Variants in MAML1 observed in about 807,000 individuals in gnomAD.
The protein encoded by MAML1 is mastermind like transcriptional coactivator 1.
A neutral mutation model predicts 77.1 loss-of-function variants in MAML1; 14 were observed. The ratio of observed to expected loss-of-function variants is 0.18; its 90% CI spans 0.12 to 0.28. The LOEUF (loss-of-function observed/expected upper bound fraction) is 0.28, where lower values mean the gene tolerates loss of function less well. Among genes scored for constraint, MAML1 ranks in the 10% least tolerant of loss-of-function variants. The pLI is 1.00. For synonymous variants in MAML1, 516 were observed against 551.9 expected, an observed-to-expected ratio of 0.93 and a Z score of 0.91; for missense variants, 1,217 against 1,327.8, an observed-to-expected ratio of 0.92 and a Z score of 1.30.
chr5:179,744,726 G>A (rs990854948), intron 1 of MAML1, among the ~76,000 whole-genome samples: 2 of 151,936 alleles, frequency 1.3e-5, no homozygotes, highest in African/African-American at 4.8e-5. Flanking sequence ...TATTGGCTAA[G>A]CTGGTCTTGA....
intron 1 of MAML1, 137 bp downstream of exon 1, chr5:179,733,564 A>G (rs1455002973): frequency 5.7e-6 from 4 of 703,012 alleles, no homozygotes; most frequent in African/African-American, 1.9e-5. Context: ...AGAGGGTAAC[A>G]TGGCAGGGAG....
At chr5:179,746,436 G>A (rs1353140603) in intron 1 of MAML1, among the ~76,000 whole-genome samples, 1 of 151,878 alleles carries the variant, frequency 6.6e-6, no homozygotes, top group Non-Finnish European at 1.5e-5. Context: ...GCAGTGGCGT[G>A]ATCTTGGCTC....
chr5:179,755,208 A>G (rs546255993), intron 1 of MAML1, among the ~76,000 whole-genome samples: 1 of 152,288 alleles, frequency 6.6e-6, no homozygotes, highest in Admixed American at 6.5e-5. Flanking sequence ...CTTAGCCTGT[A>G]GGTTGTTGTG....
At chr5:179,735,887 C>T (rs140852068) in intron 1 of MAML1, among the ~76,000 whole-genome samples, 2,983 of 151,480 alleles carry the variant, frequency 0.02, 41 homozygotes, top group Middle Eastern at 0.031. Flanking sequence ...AGGGTTTCTC[C>T]TTGTTGGGCA....
At chr5:179,756,652 T>C (rs1165950167) in intron 1 of MAML1, among the ~76,000 whole-genome samples, 1 of 152,106 alleles carries the variant, frequency 6.6e-6, no homozygotes. Context: ...GGTGCAGATA[T>C]GTGTTTTATA....
chr5:179,774,371 G>A lies in MAML1; in HGVS notation c.2545G>A (p.Gly849Ser). The change falls in exon 5 of 5, where the codon GGC becomes AGC. Residue 849 changes from glycine (G) to serine (S), a missense_variant. By Grantham distance (56) the Gly-to-Ser change is moderately conservative. Transcript: ENST00000292599. ...GCATCAGGGAATGCCGAACCTCAGT[G>A]GCCAGACCCCAGGGAACAGCAACGT... is the stretch of plus-strand genomic sequence containing the variant. ...WQHQGMPNLS[G>S]QTPGNSNVSP... 1 of 1,613,244 alleles carries A rather than the reference G, an allele frequency of 6.2e-7. No homozygotes were observed. The highest frequency in any genetic ancestry group is 1.3e-5 in the African/African-American group (1 of 75,056).
chr5:179,733,104 C>G lies in MAML1; in HGVS notation c.-9C>G, dbSNP rs1181855764. 2.2e-6 allele frequency: 3 copies of G among 1,385,188 alleles called. No homozygotes were observed. In the South Asian group the frequency reaches 4.4e-5, roughly 20 times the overall value. The allele number at this position is 1,385,188 out of a possible 1,614,324, so 85.8% of individuals were successfully genotyped here. On this transcript the variant is annotated 5_prime_UTR_variant, in exon 1 of 5. Transcript: ENST00000292599. ...CGGCCCCGGGCCCGGCCCGTGCAGCCCGCGGCCCATGGTGCTGCCCACCTG... is the reference window on the plus strand; with the variant it reads ...CGGCCCCGGGCCCGGCCCGTGCAGCGCGCGGCCCATGGTGCTGCCCACCTG...
At chr5:179,745,847 G>A (rs576037731) in intron 1 of MAML1, among the ~76,000 whole-genome samples, 4 of 101,516 alleles carry the variant, frequency 3.9e-5, no homozygotes, top group African/African-American at 7.9e-5. Context: ...GCGACAGAGC[G>A]CAACTCCGTC....
At chr5:179,750,079 G>GC (rs1338577570) in intron 1 of MAML1, among the ~76,000 whole-genome samples, 4 of 152,362 alleles carry the variant, frequency 2.6e-5, no homozygotes, top group Admixed American at 2.0e-4. Context: ...GGGCAGTGCT[G>GC]CCCTCTCCTT....
At chr5:179,758,449 G>A (rs1779666146) in intron 1 of MAML1, among the ~76,000 whole-genome samples, 1 of 149,464 alleles carries the variant, frequency 6.7e-6, no homozygotes, top group South Asian at 2.1e-4. Context: ...CTGGAGTGCA[G>A]TGGCACGATC....
At chr5:179,770,312 G>A (rs570070362) in intron 3 of MAML1, among the ~76,000 whole-genome samples, 2 of 152,278 alleles carry the variant, frequency 1.3e-5, no homozygotes, top group African/African-American at 4.8e-5. Flanking sequence ...GCCAAGTGTG[G>A]TGACGGGCGC....
At chr5:179,735,434 C>T (rs1779147114) in intron 1 of MAML1, among the ~76,000 whole-genome samples, 1 of 152,200 alleles carries the variant, frequency 6.6e-6, no homozygotes, top group South Asian at 2.1e-4. Context: ...GTTGCCCAGG[C>T]TGGAGTGCAA....
intron 1 of MAML1, among the ~76,000 whole-genome samples, chr5:179,735,907 C>T (rs1011137465): frequency 4.0e-5 from 6 of 149,564 alleles, no homozygotes; most frequent in South Asian, 2.1e-4. Flanking sequence ...AGGCTGGTCT[C>T]GAACCCCTGA....
In MAML1 at chr5:179,774,703, G is replaced by A. The variant is rs1433369041; in HGVS notation, c.2877G>A (p.Gln959=). ...GTCGGGCGGGGCTGCACTGCACCCA[G>A]GCCTACCCTGTGCGGACCGCGGGCC... ...MGGRAGLHCT[Q]AYPVRTAGQE... is the part of the protein sequence containing the mutation. Residue 959 remains glutamine, a synonymous_variant, in exon 5 of 5, where the codon CAG becomes CAA. Transcript: ENST00000292599. The A allele has an allele frequency of 1.2e-6, 2 of 1,610,492 alleles. No individual in the cohort carries two copies. Among genetic ancestry groups the A allele is most frequent in the African/African-American group, 2.7e-5 (2 of 74,946 alleles).
Position 179,732,909 on chromosome 5 carries a change from T to A in MAML1, c.-204T>A. On this transcript the variant is annotated 5_prime_UTR_variant, in exon 1 of 5. The change abolishes the stop of an existing upstream ORF in the 5' untranslated region. Transcript: ENST00000292599. ...GGGGCGGTGGGGAGAGGCCGAGGCT[T>A]GAGGTAGGCAGCAAGCGCCGGCTGG... The A allele has an allele frequency of 3.6e-6, 1 of 279,828 alleles. No individual in the cohort carries two copies. The highest frequency in any genetic ancestry group is 6.4e-5 in the East Asian group (1 of 15,700). 17.3% of individuals were successfully genotyped at this position (279,828 alleles called of 1,614,324 possible). A position where few individuals can be genotyped will look rare whatever the true frequency, so the allele number is the denominator to read the frequency against.
chr5:179,765,017 G>GTGTGTGTGTT (rs1779790062), intron 1 of MAML1, among the ~76,000 whole-genome samples: 1 of 151,330 alleles, frequency 6.6e-6, no homozygotes, highest in Non-Finnish European at 1.5e-5. Flanking sequence ...GTGTGTGTGT[G>GTGTGTGTGTT]TGTACTCTCT....
chr5:179,743,625 A>T (rs1283118669), intron 1 of MAML1, among the ~76,000 whole-genome samples: 1 of 151,814 alleles, frequency 6.6e-6, no homozygotes, highest in African/African-American at 2.4e-5. Flanking sequence ...TCAGCCTCTC[A>T]AAGTGCTGGG....
chr5:179,772,087 C>T (rs548428225), intron 4 of MAML1, among the ~76,000 whole-genome samples: 9 of 152,272 alleles, frequency 5.9e-5, no homozygotes, highest in East Asian at 1.9e-4. Flanking sequence ...ATGAAATAGC[C>T]GGTTTCAGCT....
chr5:179,773,512 C>T (rs1190435489), intron 4 of MAML1, among the ~76,000 whole-genome samples: 1 of 152,196 alleles, frequency 6.6e-6, no homozygotes, highest in Non-Finnish European at 1.5e-5. Flanking sequence ...CGCGCCCCAT[C>T]GCGCCCCATT....
Sources: allele counts gnomAD v4.1 joint callset (sites outside exome capture counted in the v4.1 genomes callset), GRCh38; gene constraint gnomAD v4.1.1; transcripts MANE v1.5; gene names NCBI Gene and HGNC (gene_info 2026-07-23, HGNC 2026-07-21).